Variants in SUSD1 observed in about 807,000 individuals in gnomAD.
The protein encoded by SUSD1 is sushi domain containing 1, also known as sushi domain-containing protein 1.
SUSD1 carries 65 observed loss-of-function variants against 86.9 expected under a neutral mutation model. The observed-to-expected ratio is 0.75, with a 90% CI of 0.61 to 0.92. The LOEUF (loss-of-function observed/expected upper bound fraction) is 0.92, where lower values mean the gene tolerates loss of function less well. SUSD1 is among the 40% of genes least tolerant of loss of function. The pLI is 0.00. For missense variants in SUSD1, 850 were observed against 929.7 expected, an observed-to-expected ratio of 0.91 and a Z score of 1.11; for synonymous variants, 346 against 350.0, an observed-to-expected ratio of 0.99 and a Z score of 0.13.
At chr9:112,120,784 C>CTA in intron 6 of SUSD1, among the ~76,000 whole-genome samples, 1 of 152,322 alleles carries the variant, frequency 6.6e-6, no homozygotes, top group African/African-American at 2.4e-5. Context: ...TACTATGCCC[C>CTA]ATGCAGATCC....
At chr9:112,063,603 C>G (rs1385045125) in intron 12 of SUSD1, among the ~76,000 whole-genome samples, 5 of 152,154 alleles carry the variant, frequency 3.3e-5, no homozygotes, top group Non-Finnish European at 5.9e-5. Context: ...TCACAGAGCT[C>G]TCTGTCCTTA....
At chr9:112,155,716 C>T (rs910843300) in intron 2 of SUSD1, among the ~76,000 whole-genome samples, 17 of 151,652 alleles carry the variant, frequency 1.1e-4, no homozygotes, top group Non-Finnish European at 4.4e-5. Flanking sequence ...AATCCCAGCA[C>T]TTTAGGAAGC....
chr9:112,115,201 C>T, intron 6 of SUSD1, among the ~76,000 whole-genome samples: 1 of 152,200 alleles, frequency 6.6e-6, no homozygotes, highest in East Asian at 1.9e-4. Flanking sequence ...TCCTATTCTC[C>T]TGTACTCAGA....
chr9:112,119,302 C>T (rs534594794), intron 6 of SUSD1, among the ~76,000 whole-genome samples: 2 of 152,172 alleles, frequency 1.3e-5, no homozygotes, highest in Admixed American at 6.5e-5. Flanking sequence ...CCAATACATC[C>T]GGCCATGTGG....
intron 12 of SUSD1, among the ~76,000 whole-genome samples, chr9:112,075,428 T>C (rs1296916385): frequency 6.6e-6 from 1 of 152,122 alleles, no homozygotes; most frequent in East Asian, 1.9e-4. Context: ...AAATAAGTTT[T>C]TAGAAAACAA....
At chr9:112,093,355 G>A (rs1830276698) in intron 10 of SUSD1, among the ~76,000 whole-genome samples, 1 of 152,202 alleles carries the variant, frequency 6.6e-6, no homozygotes. Flanking sequence ...CCTGTGCACA[G>A]GTACAAGGAG....
chr9:112,060,917 C>T (rs1028147587), intron 13 of SUSD1, among the ~76,000 whole-genome samples: 10 of 152,250 alleles, frequency 6.6e-5, no homozygotes, highest in African/African-American at 1.9e-4. Flanking sequence ...CATTTGGTTC[C>T]GTACATTGCT....
At position 112,111,674 on chromosome 9, in the gene SUSD1, A is replaced by G. The variant is rs779765366; in HGVS notation, c.1151T>C (p.Val384Ala). The part of the protein sequence containing the change: ...TAPPRRSMPA[V>A]IGFQTAEVDL... ...CCTACCAGCTGTCTGGAAACCGATGACGGCTGGCATCGAGCGCCTGGGAGG... is the reference window on the plus strand; with the variant it reads ...CCTACCAGCTGTCTGGAAACCGATGGCGGCTGGCATCGAGCGCCTGGGAGG... Residue 384 changes from valine to alanine, a missense_variant, in exon 8 of 17, where the codon GTC becomes GCC. Physicochemically the swap from Val to Ala is moderately conservative, Grantham distance 64 (BLOSUM62 0). Coordinates refer to ENST00000374270, the MANE Select transcript of SUSD1 (RefSeq NM_022486.5). 2.9e-5 allele frequency: 46 copies of G among 1,613,628 alleles called. No homozygotes were observed. The highest frequency in any genetic ancestry group is 3.5e-5 in the Non-Finnish European group (41 of 1,179,888).
chr9:112,166,425 T>C (rs961970668), intron 1 of SUSD1, among the ~76,000 whole-genome samples: 2 of 152,098 alleles, frequency 1.3e-5, no homozygotes, highest in Non-Finnish European at 1.5e-5. Flanking sequence ...TCTGATTCAG[T>C]AGGGGAGAGG....
intron 5 of SUSD1, among the ~76,000 whole-genome samples, chr9:112,126,613 T>A (rs913371359): frequency 6.6e-5 from 10 of 152,116 alleles, no homozygotes; most frequent in African/African-American, 2.4e-4. Flanking sequence ...GAACAATCCC[T>A]CAGCAAGAGA....
intron 4 of SUSD1, among the ~76,000 whole-genome samples, chr9:112,142,926 T>C (rs896115103): frequency 2.7e-5 from 4 of 148,480 alleles, no homozygotes; most frequent in Non-Finnish European, 6.0e-5. Context: ...ATCTATTAAC[T>C]GCTAATAAAA....
chr9:112,098,345 AGTTT>A (rs1830484728), intron 10 of SUSD1, 121 bp downstream of exon 10: 1 of 944,740 alleles, frequency 1.1e-6, no homozygotes, highest in Non-Finnish European at 1.6e-6. Flanking sequence ...CAGCTAACAA[AGTTT>A]GTTAGAACTG....
intron 1 of SUSD1, among the ~76,000 whole-genome samples, chr9:112,167,895 G>A (rs1833889662): frequency 6.6e-6 from 1 of 152,188 alleles, no homozygotes; most frequent in East Asian, 1.9e-4. Flanking sequence ...AAAGGCATGT[G>A]TTACACAGCA....
At chr9:112,109,992 A>G (rs1831020894) in intron 8 of SUSD1, among the ~76,000 whole-genome samples, 1 of 152,146 alleles carries the variant, frequency 6.6e-6, no homozygotes, top group African/African-American at 2.4e-5. Context: ...TACTCGGGTT[A>G]AGGTACAGTT....
In SUSD1 at chr9:112,058,509, G is replaced by A; in HGVS notation, c.2028C>T (p.Tyr676=). The A allele has an allele frequency of 6.2e-7, 1 of 1,614,138 alleles. No individual in the cohort carries two copies. The highest frequency in any genetic ancestry group is 2.2e-5 in the East Asian group (1 of 44,878). The part of the protein sequence containing the change: ...AMEIPIGDRL[Y]YGEYYNAPLK... ...AGGGTGCATTATAATATTCCCCATA[G>A]TACAGCCTGTCTCCTATAGGTATCT... The change falls in exon 14 of 17, where the codon TAC becomes TAT. Residue 676 remains tyrosine, a synonymous_variant. Transcript: ENST00000374270.
chr9:112,117,294 T>TCC (rs1487385804), intron 6 of SUSD1, among the ~76,000 whole-genome samples: 4 of 152,180 alleles, frequency 2.6e-5, no homozygotes, highest in African/African-American at 9.7e-5. Flanking sequence ...ATGGCTTTTC[T>TCC]CCCCTCATGG....
intron 10 of SUSD1, among the ~76,000 whole-genome samples, chr9:112,090,870 GA>G (rs1296175336): frequency 7.2e-5 from 11 of 152,116 alleles, no homozygotes; most frequent in African/African-American, 2.2e-4. Flanking sequence ...AACAGTTTTG[GA>G]GTCTGTGTCT....
intron 2 of SUSD1, among the ~76,000 whole-genome samples, chr9:112,154,435 C>A (rs1833206224): frequency 6.6e-6 from 1 of 151,978 alleles, no homozygotes; most frequent in Non-Finnish European, 1.5e-5. Flanking sequence ...ATCACTTGAG[C>A]CTGGGAGGTC....
intron 10 of SUSD1, among the ~76,000 whole-genome samples, chr9:112,086,860 A>C (rs954599923): frequency 2.6e-5 from 4 of 152,002 alleles, no homozygotes; most frequent in Non-Finnish European, 4.4e-5. Flanking sequence ...ACCTTTAAAG[A>C]AACTGCATTT....
Sources: allele counts gnomAD v4.1 joint callset (sites outside exome capture counted in the v4.1 genomes callset), GRCh38; gene constraint gnomAD v4.1.1; transcripts MANE v1.5; gene names NCBI Gene and HGNC (gene_info 2026-07-23, HGNC 2026-07-21).